HELZ: variants seen among roughly 807,000 people sequenced by gnomAD.
The protein encoded by HELZ is helicase with zinc finger.
Under a neutral mutation model 218.2 loss-of-function variants are expected in HELZ, and 23 were observed. The observed-to-expected ratio is 0.11, with a 90% CI of 0.08 to 0.15. The LOEUF (loss-of-function observed/expected upper bound fraction) is 0.15, where lower values mean the gene tolerates loss of function less well. Ranked by LOEUF, HELZ falls within the 10% of genes least tolerant of loss-of-function variation. The pLI is 1.00. For missense variants in HELZ, 1,813 were observed against 2,353.7 expected, an observed-to-expected ratio of 0.77 and a Z score of 4.75; for synonymous variants, 814 against 829.4, an observed-to-expected ratio of 0.98 and a Z score of 0.32.
At chr17:67,100,405 C>T (rs1473576689) in intron 31 of HELZ, among the ~76,000 whole-genome samples, 2 of 152,150 alleles carry the variant, frequency 1.3e-5, no homozygotes, top group African/African-American at 4.8e-5. Context: ...AAGTAAGTGA[C>T]TTACTAGCAT....
intron 12 of HELZ, among the ~76,000 whole-genome samples, chr17:67,180,810 G>A (rs879721097): frequency 4.6e-5 from 7 of 151,136 alleles, no homozygotes; most frequent in South Asian, 4.2e-4. Flanking sequence ...CCCGGAAGGC[G>A]GAGCTTGCAG....
chr17:67,190,829 C>G (rs1001891202), intron 9 of HELZ, among the ~76,000 whole-genome samples: 2 of 152,226 alleles, frequency 1.3e-5, no homozygotes, highest in Non-Finnish European at 2.9e-5. Context: ...TCTGCCTCAG[C>G]CTCCCGGGTA....
chr17:67,229,849 T>C (rs572632549), intron 3 of HELZ, among the ~76,000 whole-genome samples: 1 of 152,282 alleles, frequency 6.6e-6, no homozygotes, highest in South Asian at 2.1e-4. Flanking sequence ...CTCTAAAACA[T>C]AAAATCACTG....
Position 67,195,402 on chromosome 17 carries a change from C to T in HELZ, c.481+17G>A, listed in dbSNP as rs745882005. ...TTATTCACAGCTACCAGAAGTTACA[C>T]AGCATTTGGCACTTACCCTCATCTA... On this transcript the variant is annotated intron_variant, in intron 8 of 32. Coordinates refer to ENST00000358691, the MANE Select transcript of HELZ (RefSeq NM_014877.4). 5.4e-5 allele frequency: 83 copies of T among 1,533,480 alleles called. No homozygotes were observed. Among genetic ancestry groups the T allele is most frequent in the Non-Finnish European group, 7.3e-5 (81 of 1,108,678 alleles). 95.0% of individuals were successfully genotyped at this position (1,533,480 alleles called of 1,614,324 possible).
intron 13 of HELZ, chr17:67,173,002 C>T: frequency 5.2e-6 from 5 of 962,378 alleles, no homozygotes; most frequent in Non-Finnish European, 6.2e-6. Context: ...GTTAATCTCA[C>T]AGTTTAGAGC....
intron 17 of HELZ, among the ~76,000 whole-genome samples, chr17:67,155,476 T>C (rs966703282): frequency 6.6e-6 from 1 of 152,230 alleles, no homozygotes; most frequent in Admixed American, 6.5e-5. Flanking sequence ...GTAAGTATTA[T>C]TAATGCTAGA....
chr17:67,153,523 G>A (rs1035912114), intron 17 of HELZ, among the ~76,000 whole-genome samples: 1 of 152,180 alleles, frequency 6.6e-6, no homozygotes, highest in Non-Finnish European at 1.5e-5. Flanking sequence ...TTACAGCCAG[G>A]ATTTAAACCT....
At chr17:67,085,289 G>C (rs2036334597) in intron 32 of HELZ, among the ~76,000 whole-genome samples, 1 of 152,040 alleles carries the variant, frequency 6.6e-6, no homozygotes, top group African/African-American at 2.4e-5. Context: ...AGGCATAGTG[G>C]CACATGCCTA....
At chr17:67,099,367 A>G (rs2036850887) in intron 31 of HELZ, among the ~76,000 whole-genome samples, 1 of 140,198 alleles carries the variant, frequency 7.1e-6, no homozygotes, top group African/African-American at 2.7e-5. Context: ...AGGCTCATTT[A>G]CCCTGCCAGA....
intron 17 of HELZ, among the ~76,000 whole-genome samples, chr17:67,152,075 T>C (rs527340686): frequency 6.6e-6 from 1 of 152,328 alleles, no homozygotes; most frequent in South Asian, 2.1e-4. Context: ...GACTATTCTG[T>C]TTCTCTGGGC....
chr17:67,163,989 T>C (rs940878067), intron 15 of HELZ, among the ~76,000 whole-genome samples: 1 of 152,216 alleles, frequency 6.6e-6, no homozygotes, highest in East Asian at 1.9e-4. Flanking sequence ...TCATATACAA[T>C]GTAATTTTCA....
chr17:67,212,406 T>C (rs948809549), intron 5 of HELZ, among the ~76,000 whole-genome samples: 2 of 148,842 alleles, frequency 1.3e-5, no homozygotes, highest in African/African-American at 4.9e-5. Context: ...GAGCTATCCA[T>C]GGCTATCCCT....
intron 12 of HELZ, among the ~76,000 whole-genome samples, chr17:67,181,710 GA>G (rs941498991): frequency 4.7e-5 from 7 of 149,456 alleles, no homozygotes; most frequent in Non-Finnish European, 1.5e-5. Context: ...AAAGAATCTT[GA>G]AAAAAAAATC....
chr17:67,083,995 T>A (rs1383390434), intron 32 of HELZ, among the ~76,000 whole-genome samples: 7 of 152,228 alleles, frequency 4.6e-5, no homozygotes, highest in Non-Finnish European at 8.8e-5. Flanking sequence ...TTTTAAAATT[T>A]CAAACCAATA....
At chr17:67,134,419 T>C (rs1465575399) in intron 23 of HELZ, among the ~76,000 whole-genome samples, 1 of 152,122 alleles carries the variant, frequency 6.6e-6, no homozygotes, top group African/African-American at 2.4e-5. Flanking sequence ...CCTCTCCAAT[T>C]TGTCATTAGT....
At chr17:67,194,107 T>C (rs771722923) in intron 8 of HELZ, 65 bp from the exon 9 acceptor site, 8 of 1,110,144 alleles carry the variant, frequency 7.2e-6, no homozygotes, top group Non-Finnish European at 1.1e-5. Flanking sequence ...TATTTTAATG[T>C]GTAAGAGATA....
At chr17:67,097,164 C>A (rs1567796768) in intron 31 of HELZ, among the ~76,000 whole-genome samples, 1 of 152,190 alleles carries the variant, frequency 6.6e-6, no homozygotes, top group African/African-American at 2.4e-5. Context: ...ACACATAACA[C>A]TGATTGCTCA....
intron 15 of HELZ, among the ~76,000 whole-genome samples, chr17:67,164,776 G>A (rs889657968): frequency 6.6e-6 from 1 of 152,164 alleles, no homozygotes; most frequent in Non-Finnish European, 1.5e-5. Context: ...AAAGGATACT[G>A]CTGGAAAGCA....
intron 27 of HELZ, among the ~76,000 whole-genome samples, chr17:67,116,484 T>TACACAC (rs144779116): frequency 1.1e-4 from 16 of 147,826 alleles, no homozygotes; most frequent in Middle Eastern, 3.5e-3. Flanking sequence ...AAGGTAAAAA[T>TACACAC]ACACACACAC....
Sources: allele counts gnomAD v4.1 joint callset (sites outside exome capture counted in the v4.1 genomes callset), GRCh38; gene constraint gnomAD v4.1.1; transcripts MANE v1.5; gene names NCBI Gene and HGNC (gene_info 2026-07-23, HGNC 2026-07-21).